Variants in PTCD3 observed in about 807,000 individuals in gnomAD.
The protein encoded by PTCD3 is pentatricopeptide repeat domain 3, also known as small ribosomal subunit protein mS39.
PTCD3 carries 89 observed loss-of-function variants against 101.9 expected under a neutral mutation model. That is an observed-to-expected ratio of 0.87 (90% CI 0.74 to 1.04). The LOEUF (loss-of-function observed/expected upper bound fraction) is 1.04. Ranked by LOEUF, PTCD3 falls within the 50% of genes least tolerant of loss-of-function variation. The pLI is 0.00. For synonymous variants in PTCD3, 296 were observed against 278.5 expected (o/e 1.06, Z -0.63); for missense variants, 870 against 828.2 (o/e 1.05, Z -0.62).
chr2:86,111,543 G>A (rs536100420), intron 4 of PTCD3, among the ~76,000 whole-genome samples: 55 of 151,700 alleles, frequency 3.6e-4, no homozygotes, highest in African/African-American at 1.3e-3. Context: ...AGGAGAGATC[G>A]CGCCACTGCA....
intron 20 of PTCD3, 108 bp from the exon 21 acceptor site, chr2:86,134,731 C>T (rs1051369581): frequency 8.6e-6 from 11 of 1,279,904 alleles, no homozygotes; most frequent in Admixed American, 2.0e-5. Context: ...ATAATATATT[C>T]AAATGGTAAA....
intron 7 of PTCD3, chr2:86,119,711 A>G (rs1016507020): frequency 1.3e-5 from 2 of 152,390 alleles, no homozygotes; most frequent in East Asian, 3.9e-4. Context: ...CAAGAAAGAA[A>G]TACGTGAAAA....
rs79465176 is a variant in PTCD3 at position 86,137,506 on chromosome 2, A to C, written c.2017A>C (p.Ser673Arg). Reference protein sequence around the residue: ...LSNLTALTSDSDTDSSSDSDS... With the variant: ...LSNLTALTSDRDTDSSSDSDS... ...TAATCTAACTGCATTGACCAGTGACAGTGATACTGACAGCAGCAGTGACAG... is the reference window on the plus strand; with the variant it reads ...TAATCTAACTGCATTGACCAGTGACCGTGATACTGACAGCAGCAGTGACAG... The change falls in exon 24 of 24, where the codon AGT (serine) becomes CGT (arginine). Residue 673 changes from serine (S) to arginine (R), a missense_variant. By Grantham distance (110) the Ser-to-Arg change is moderately radical. Coordinates refer to ENST00000254630, the MANE Select transcript of PTCD3 (RefSeq NM_017952.6). 3.7e-4 allele frequency: 597 copies of C among 1,613,522 alleles called. 6 individuals are homozygous for C. In the East Asian group the frequency reaches 0.012, roughly 33 times the overall value.
At position 86,137,982 on chromosome 2, in the gene PTCD3, CA is replaced by C. The variant is rs1674621863; in HGVS notation, c.*424del. 5.1e-6 allele frequency: 1 copy of C among 194,438 alleles called. No homozygotes were observed. The highest frequency in any genetic ancestry group is 1.2e-4 in the East Asian group (1 of 8,404). The allele number at this position is 194,438 out of a possible 1,614,324, so 12.0% of individuals were successfully genotyped here. ...TGGTCCTTCATCTTAGGTGTTCATG[CA>C]GTTCTAACACAGTTGGGGTTGGGTC... On this transcript the variant is annotated 3_prime_UTR_variant, in exon 24 of 24. Transcript: ENST00000254630.
rs1389789798 is a variant in PTCD3 at position 86,134,899 on chromosome 2, A to G, written c.1690A>G (p.Ile564Val). Reference protein sequence around the residue: ...DIKSAYESQPIRQTAQDWPAT... With the variant: ...DIKSAYESQPVRQTAQDWPAT... ...CAAATCTGCGTATGAAAGCCAACCCATCAGACAGACTGCTCAGGATTGGCC... is the reference window on the plus strand; with the variant it reads ...CAAATCTGCGTATGAAAGCCAACCCGTCAGACAGACTGCTCAGGATTGGCC... The change falls in exon 21 of 24, where the codon ATC becomes GTC. Residue 564 changes from isoleucine (I) to valine (V), a missense_variant. By Grantham distance (29) the Ile-to-Val change is conservative. Coordinates refer to ENST00000254630, the MANE Select transcript of PTCD3 (RefSeq NM_017952.6). 5.6e-6 allele frequency: 9 copies of G among 1,613,968 alleles called. No individual in the cohort carries two copies. Among genetic ancestry groups the G allele is most frequent in the African/African-American group, 2.7e-5 (2 of 74,918 alleles).
At chr2:86,118,471 C>T (rs936026591) in intron 6 of PTCD3, among the ~76,000 whole-genome samples, 3 of 151,524 alleles carry the variant, frequency 2.0e-5, no homozygotes, top group African/African-American at 4.8e-5. Context: ...CATAGTAGAA[C>T]TTGCACATAG....
chr2:86,116,429 T>A, intron 4 of PTCD3, 101 bp from the exon 5 acceptor site: 1 of 973,008 alleles, frequency 1.0e-6, no homozygotes. Flanking sequence ...CTAGGCTACT[T>A]GGGAGGCTGA....
rs771942681 is a variant in PTCD3, at chr2:86,108,338, GT to G, written c.105-5del. On this transcript the variant is annotated splice_polypyrimidine_tract_variant and intron_variant, in intron 1 of 23. Coordinates refer to ENST00000254630, the MANE Select transcript of PTCD3 (RefSeq NM_017952.6). ...AATGACTATTAGATTTAAGGCTTTT[GT>G]TTTTTTGCAGATTTTATTCTGGTAG... 2.3e-5 allele frequency: 37 copies of G among 1,607,030 alleles called. 1 individual carries two copies. In the Middle Eastern group the frequency reaches 5.1e-4, roughly 22 times the overall value.
Position 86,134,332 on chromosome 2 carries a change from A to C in PTCD3, c.1584A>C (p.Arg528Ser). The C allele has an allele frequency of 6.2e-7, 1 of 1,613,580 alleles. No individual in the cohort carries two copies. Among genetic ancestry groups the C allele is most frequent in the East Asian group, 2.2e-5 (1 of 44,902 alleles). Residue 528 changes from arginine to serine, a missense_variant, in exon 20 of 24, where the codon AGA becomes AGC. Coordinates refer to ENST00000254630, the MANE Select transcript of PTCD3 (RefSeq NM_017952.6). Reference sequence around the variant, plus strand: ...GTCATACTTTCCGCAGTGACCTGAGAGAAGAGATCCTGATGCTCATGGCAA... The same window carrying C: ...GTCATACTTTCCGCAGTGACCTGAGCGAAGAGATCCTGATGCTCATGGCAA... The part of the protein sequence containing the change: ...EYGHTFRSDL[R>S]EEILMLMARD...
Position 86,140,316 on chromosome 2 carries a change from C to T in PTCD3, c.*2757C>T, listed in dbSNP as rs990189079. 1 of 151,396 alleles carries T rather than the reference C, an allele frequency of 6.6e-6. No homozygotes were observed. Among genetic ancestry groups the T allele is most frequent in the African/African-American group, 2.4e-5 (1 of 41,220 alleles). 9.4% of individuals were successfully genotyped at this position (151,396 alleles called of 1,614,324 possible). A position where few individuals can be genotyped will look rare whatever the true frequency, so the allele number is the denominator to read the frequency against. ...AGGAAAAGATGTCAGATTGTACTGT[C>T]ACTGGCTATGTACCCATATTCTCTA... is the stretch of plus-strand genomic sequence containing the variant. On this transcript the variant is annotated 3_prime_UTR_variant, in exon 24 of 24. Transcript: ENST00000254630.
At chr2:86,107,340 A>C (rs1489621487) in intron 1 of PTCD3, 3 of 400,804 alleles carry the variant, frequency 7.5e-6, no homozygotes, top group Non-Finnish European at 1.5e-5. Context: ...AGTTGATCTC[A>C]GAAACTTGAA....
chr2:86,125,496 A>G lies in PTCD3; in HGVS notation c.846A>G (p.Leu282=), dbSNP rs752989966. The G allele has an allele frequency of 6.2e-7, 1 of 1,612,294 alleles. No individual in the cohort carries two copies. The highest frequency in any genetic ancestry group is 8.5e-7 in the Non-Finnish European group (1 of 1,178,252). The change falls in exon 11 of 24, where the codon TTA becomes TTG. Residue 282 remains leucine, a synonymous_variant. Transcript: ENST00000254630. ...AGGCATTAAACTTGTACACTGAGTTACTAAACAACAGACTCCATGGTGAGT... is the reference window on the plus strand; with the variant it reads ...AGGCATTAAACTTGTACACTGAGTTGCTAAACAACAGACTCCATGGTGAGT... ...YEQALNLYTE[L]LNNRLHADVY...
At chr2:86,125,916 C>G (rs762935733) in intron 12 of PTCD3, 36 bp downstream of exon 12, 2 of 1,382,452 alleles carry the variant, frequency 1.4e-6, no homozygotes, top group African/African-American at 1.4e-5. Flanking sequence ...TTTAATAGGG[C>G]TTAAATACTC....
chr2:86,125,513 A>G lies in PTCD3; in HGVS notation c.863A>G (p.His288Arg), dbSNP rs764524672. 8.1e-6 allele frequency: 13 copies of G among 1,608,006 alleles called. No individual in the cohort carries two copies. In the Admixed American group the frequency reaches 1.0e-4, roughly 12 times the overall value. ...LYTELLNNRL[H>R]ADVYTFNALI... ...ACTGAGTTACTAAACAACAGACTCC[A>G]TGGTGAGTTTGAGAACTCCCCTCTG... The change falls in exon 11 of 24, where the codon CAT (histidine) becomes CGT (arginine). Residue 288 changes from histidine (H) to arginine (R), a missense_variant and splice_region_variant. Transcript: ENST00000254630.
chr2:86,127,456 CTTA>C (rs1674416743), intron 13 of PTCD3, 151 bp downstream of exon 13: 3 of 860,490 alleles, frequency 3.5e-6, no homozygotes, highest in Admixed American at 5.9e-5. Flanking sequence ...CTTACATGTA[CTTA>C]TTATAGTGGG....
intron 4 of PTCD3, among the ~76,000 whole-genome samples, chr2:86,112,371 T>A (rs969248861): frequency 2.7e-5 from 4 of 150,632 alleles, no homozygotes; most frequent in Non-Finnish European, 5.9e-5. Context: ...TTTTTTTTTT[T>A]AAGAATAAAA....
Position 86,116,571 on chromosome 2 carries a change from C to A in PTCD3, c.282C>A (p.Tyr94Ter). ...AVPYVFQDDP[Y>*]LMPASSLESR... ...CTTATGTGTTTCAAGATGATCCTTA[C>A]CTTATGCCAGCATCATCTTTGGAAT... Residue 94 changes from tyrosine to a stop codon, truncating the protein, a stop_gained, in exon 5 of 24, where the codon TAC (tyrosine) becomes TAA (stop). Coordinates refer to ENST00000254630, the MANE Select transcript of PTCD3 (RefSeq NM_017952.6). LOFTEE classifies it high-confidence loss of function. The A allele has an allele frequency of 6.2e-7, 1 of 1,610,412 alleles. No homozygotes were observed. Among genetic ancestry groups the A allele is most frequent in the South Asian group, 1.1e-5 (1 of 90,992 alleles).
At chr2:86,111,222 G>A (rs1300101638) in intron 4 of PTCD3, 64 bp downstream of exon 4, 12 of 1,326,330 alleles carry the variant, frequency 9.0e-6, no homozygotes, top group Non-Finnish European at 1.3e-5. Flanking sequence ...TTTTAACTCG[G>A]CTAATAACAC....
At chr2:86,119,098 A>G (rs920742495) in intron 7 of PTCD3, 54 bp downstream of exon 7, 4 of 1,587,176 alleles carry the variant, frequency 2.5e-6, no homozygotes, top group Non-Finnish European at 3.4e-6. Flanking sequence ...AAGTGGGCCC[A>G]AGTTATATGA....
Sources: gnomAD v4.1 joint callset for allele counts (sites outside exome capture counted in the v4.1 genomes callset) on GRCh38, gnomAD v4.1.1 for gene constraint, MANE v1.5 for transcripts, NCBI Gene and HGNC (gene_info 2026-07-23, HGNC 2026-07-21) for gene names.